The following STX7 variants were observed in gnomAD, a reference collection of about 807,000 sequenced individuals.
The protein encoded by STX7 is syntaxin 7.
Under a neutral mutation model 39.6 loss-of-function variants are expected in STX7, and 34 were observed. That is an observed-to-expected ratio of 0.86 (90% CI 0.65 to 1.14). The LOEUF (loss-of-function observed/expected upper bound fraction) is 1.14, where lower values mean the gene tolerates loss of function less well. STX7 is among the 50% of genes most tolerant of loss of function. The pLI is 0.00. For synonymous variants in STX7, 119 were observed against 99.1 expected (o/e 1.20, Z -1.19); for missense variants, 284 against 310.4 (o/e 0.92, Z 0.64).
chr6:132,460,700 C>T lies in STX7; in HGVS notation c.*58G>A. 1 of 1,256,662 alleles carries T rather than the reference C, an allele frequency of 8.0e-7. No homozygotes were observed. Among genetic ancestry groups the T allele is most frequent in the Non-Finnish European group, 1.1e-6 (1 of 882,832 alleles). 77.8% of individuals were successfully genotyped at this position (1,256,662 alleles called of 1,614,324 possible). A position where few individuals can be genotyped will look rare whatever the true frequency, so the allele number is the denominator to read the frequency against. On this transcript the variant is annotated 3_prime_UTR_variant, in exon 10 of 10. Coordinates refer to ENST00000367941, the MANE Select transcript of STX7 (RefSeq NM_003569.3). ...AATAATAATTAAAAAAACATGATTA[C>T]AGGAATCTTCCTACATAATTTAGAC...
chr6:132,497,163 C>A (rs1281184983), intron 2 of STX7, among the ~76,000 whole-genome samples: 1 of 151,922 alleles, frequency 6.6e-6, no homozygotes, highest in Non-Finnish European at 1.5e-5. Flanking sequence ...AAAATAAAAA[C>A]AAAATCAAAA....
intron 2 of STX7, among the ~76,000 whole-genome samples, chr6:132,489,930 A>G (rs1775235069): frequency 6.6e-6 from 1 of 152,242 alleles, no homozygotes; most frequent in Non-Finnish European, 1.5e-5. Context: ...TCTTAAAAAT[A>G]AAGTACAAAA....
intron 2 of STX7, among the ~76,000 whole-genome samples, chr6:132,502,897 T>TAA (rs995863274): frequency 7.0e-6 from 1 of 143,550 alleles, no homozygotes; most frequent in African/African-American, 2.5e-5. Context: ...AGGCTGTCTC[T>TAA]AAAAAAAAAA....
chr6:132,476,075 C>T (rs1774867181), intron 2 of STX7, among the ~76,000 whole-genome samples: 1 of 151,928 alleles, frequency 6.6e-6, no homozygotes, highest in Non-Finnish European at 1.5e-5. Flanking sequence ...AATAGAATTA[C>T]AAAAAATCAT....
chr6:132,446,889 A>T lies in STX7; in HGVS notation c.*13869T>A, dbSNP rs1398308566. On this transcript the variant is annotated 3_prime_UTR_variant, in exon 10 of 10. Transcript: ENST00000367941. Reference sequence around the variant, plus strand: ...GTAAAGCAGTGCCTATCATTTCTGCAGTTAGGATGGAGTCAATTCCATCCA... The same window carrying T: ...GTAAAGCAGTGCCTATCATTTCTGCTGTTAGGATGGAGTCAATTCCATCCA... The T allele has an allele frequency of 2.6e-5, 4 of 152,174 alleles. No individual in the cohort carries two copies. The highest frequency in any genetic ancestry group is 9.6e-5 in the African/African-American group (4 of 41,454). 9.4% of individuals were successfully genotyped at this position (152,174 alleles called of 1,614,324 possible).
intron 1 of STX7, among the ~76,000 whole-genome samples, chr6:132,504,409 A>G (rs1333659569): frequency 2.6e-5 from 4 of 152,194 alleles, no homozygotes; most frequent in Non-Finnish European, 5.9e-5. Context: ...GTGAGATGAC[A>G]TTCTCTACCT....
At chr6:132,500,312 CCCT>C (rs1775527415) in intron 2 of STX7, among the ~76,000 whole-genome samples, 1 of 152,142 alleles carries the variant, frequency 6.6e-6, no homozygotes. Context: ...CCCGCCAGAC[CCCT>C]CTGGTTTCAT....
intron 7 of STX7, among the ~76,000 whole-genome samples, chr6:132,469,445 C>T (rs1193006060): frequency 1.3e-5 from 2 of 152,044 alleles, no homozygotes; most frequent in African/African-American, 4.8e-5. Context: ...GGAGTATGAT[C>T]CCTCGTCCTA....
At chr6:132,479,490 C>T (rs1387549934) in intron 2 of STX7, among the ~76,000 whole-genome samples, 1 of 152,188 alleles carries the variant, frequency 6.6e-6, no homozygotes, top group Non-Finnish European at 1.5e-5. Context: ...AACAATGGTA[C>T]AAGGTAACCA....
intron 1 of STX7, among the ~76,000 whole-genome samples, chr6:132,507,088 G>T (rs1344065456): frequency 6.6e-6 from 1 of 152,160 alleles, no homozygotes; most frequent in South Asian, 2.1e-4. Flanking sequence ...CTTGTAAGTG[G>T]AACCTAAATA....
Position 132,494,919 on chromosome 6 carries a change from T to C in STX7, c.85+8527A>G, listed in dbSNP as rs1775386443. Among the ~76,000 whole-genome samples the C allele has an allele frequency of 2.0e-5, 3 of 152,092 alleles. No homozygotes were observed. In the South Asian group the frequency reaches 6.2e-4, roughly 32 times the overall value. On this transcript the variant is annotated intron_variant, in intron 2 of 9. Transcript: ENST00000367941. ...GAGAACAATTTGGAGACTGCAGTCA[T>C]CCAAAGAAATAGCAGCAGCTTGAGC...
At chr6:132,496,908 G>C (rs1775432571) in intron 2 of STX7, among the ~76,000 whole-genome samples, 2 of 152,104 alleles carry the variant, frequency 1.3e-5, no homozygotes, top group Admixed American at 1.3e-4. Flanking sequence ...TAAATCATGA[G>C]AAACCTATGA....
At chr6:132,507,147 A>C (rs1447664849) in intron 1 of STX7, among the ~76,000 whole-genome samples, 2 of 152,206 alleles carry the variant, frequency 1.3e-5, no homozygotes, top group Non-Finnish European at 2.9e-5. Flanking sequence ...TGGAGACTCA[A>C]AAGGATGGGA....
At position 132,460,767 on chromosome 6, in the gene STX7, C is replaced by T; in HGVS notation, c.777G>A (p.Leu259=). 1 of 1,612,112 alleles carries T rather than the reference C, an allele frequency of 6.2e-7. No individual in the cohort carries two copies. Among genetic ancestry groups the T allele is most frequent in the Non-Finnish European group, 8.5e-7 (1 of 1,178,622 alleles). ...GTGCTCCTTTATAACTTCAGTGGTT[C>T]AATCCCCATATGATGAGACTGATAA... The part of the protein sequence containing the change: ...VAIISLIIWG[L]NH Residue 259 remains leucine, a synonymous_variant, in exon 10 of 10, where the codon TTG becomes TTA. Coordinates refer to ENST00000367941, the MANE Select transcript of STX7 (RefSeq NM_003569.3).
chr6:132,486,521 G>A (rs958566129), intron 2 of STX7, among the ~76,000 whole-genome samples: 1 of 152,080 alleles, frequency 6.6e-6, no homozygotes, highest in Non-Finnish European at 1.5e-5. Flanking sequence ...TGCTCTTTCA[G>A]TATTAAACCA....
chr6:132,479,124 T>A (rs938454057), intron 2 of STX7, among the ~76,000 whole-genome samples: 8 of 152,362 alleles, frequency 5.3e-5, no homozygotes, highest in African/African-American at 1.9e-4. Context: ...AATCTGTAGA[T>A]AACTGGCATA....
intron 2 of STX7, among the ~76,000 whole-genome samples, chr6:132,476,319 T>C (rs1054680244): frequency 6.6e-6 from 1 of 152,138 alleles, no homozygotes; most frequent in Non-Finnish European, 1.5e-5. Flanking sequence ...AGCCACAATA[T>C]GATCTGAGGA....
rs1774010304 is a variant in STX7 at position 132,446,248 on chromosome 6, G to A, written c.*14510C>T. On this transcript the variant is annotated 3_prime_UTR_variant, in exon 10 of 10. Transcript: ENST00000367941. ...TACCTGACCCTTATAATCATATGGTGAGTTGGTCTGATCATTCATCTTCTC... is the reference window on the plus strand; with the variant it reads ...TACCTGACCCTTATAATCATATGGTAAGTTGGTCTGATCATTCATCTTCTC... 6.6e-6 allele frequency: 1 copy of A among 152,184 alleles called. No homozygotes were observed. The highest frequency in any genetic ancestry group is 2.4e-5 in the African/African-American group (1 of 41,452). The allele number at this position is 152,184 out of a possible 1,614,324, so 9.4% of individuals were successfully genotyped here. A position where few individuals can be genotyped will look rare whatever the true frequency, so the allele number is the denominator to read the frequency against.
At chr6:132,503,347 C>T in intron 2 of STX7, 99 bp downstream of exon 2, 1 of 969,900 alleles carries the variant, frequency 1.0e-6, no homozygotes, top group Non-Finnish European at 1.6e-6. Flanking sequence ...AGGAATGCTC[C>T]TCCCTCTCTC....
Sources: gnomAD v4.1 joint callset for allele counts (sites outside exome capture counted in the v4.1 genomes callset) on GRCh38, gnomAD v4.1.1 for gene constraint, MANE v1.5 for transcripts, NCBI Gene and HGNC (gene_info 2026-07-23, HGNC 2026-07-21) for gene names.